The following SPOCK1 variants were observed in gnomAD, a reference collection of about 807,000 sequenced individuals.
The protein encoded by SPOCK1 is SPARC (osteonectin), cwcv and kazal like domains proteoglycan 1.
SPOCK1 carries 23 observed loss-of-function variants against 55.3 expected under a neutral mutation model. That is an observed-to-expected ratio of 0.42 (90% confidence interval 0.30 to 0.59). The LOEUF (loss-of-function observed/expected upper bound fraction) is 0.59, where lower values mean the gene tolerates loss of function less well. Ranked by LOEUF, SPOCK1 falls within the 20% of genes least tolerant of loss-of-function variation. SPOCK1 has a pLI of 0.22. For missense variants in SPOCK1, 499 were observed against 552.5 expected (o/e 0.90, Z 0.97); for synonymous variants, 226 against 221.0 (o/e 1.02, Z -0.20).
intron 2 of SPOCK1, among the ~76,000 whole-genome samples, chr5:137,376,272 G>A (rs1462947071): frequency 6.6e-6 from 1 of 152,166 alleles, no homozygotes; most frequent in Non-Finnish European, 1.5e-5. Flanking sequence ...AGCAGCACAA[G>A]CACCTCTTGC....
At chr5:137,263,653 AC>A (rs1462968606) in intron 3 of SPOCK1, among the ~76,000 whole-genome samples, 1 of 152,090 alleles carries the variant, frequency 6.6e-6, no homozygotes, top group Non-Finnish European at 1.5e-5. Flanking sequence ...GAAATTTCTC[AC>A]CTGAGTTAAT....
intron 2 of SPOCK1, among the ~76,000 whole-genome samples, chr5:137,329,028 G>A (rs1043213264): frequency 3.9e-5 from 6 of 152,136 alleles, no homozygotes; most frequent in Non-Finnish European, 7.3e-5. Flanking sequence ...ACATGATTCT[G>A]GCTGTGTCTG....
chr5:137,418,464 CTGTT>C (rs957240922), intron 2 of SPOCK1, among the ~76,000 whole-genome samples: 1 of 151,926 alleles, frequency 6.6e-6, no homozygotes, highest in African/African-American at 2.4e-5. Flanking sequence ...TCTCCAGCAC[CTGTT>C]GTTTCCTGAC....
chr5:137,220,197 T>TC (rs1027820925), intron 3 of SPOCK1, among the ~76,000 whole-genome samples: 2 of 152,114 alleles, frequency 1.3e-5, no homozygotes, highest in African/African-American at 4.8e-5. Flanking sequence ...TCAAATGACC[T>TC]CAAAATCATG....
chr5:137,278,497 C>T (rs1757110963), intron 2 of SPOCK1, among the ~76,000 whole-genome samples: 1 of 152,162 alleles, frequency 6.6e-6, no homozygotes, highest in Non-Finnish European at 1.5e-5. Flanking sequence ...TGGGCATCCC[C>T]TCTCTGAGCA....
intron 6 of SPOCK1, among the ~76,000 whole-genome samples, chr5:137,002,676 G>A (rs7719358): frequency 0.24 from 35,842 of 152,034 alleles, 4,555 homozygotes; most frequent in Non-Finnish European, 0.28. Context: ...AACTAATAAA[G>A]ACTAAGCTGC....
intron 2 of SPOCK1, among the ~76,000 whole-genome samples, chr5:137,376,160 G>C (rs892812810): frequency 3.9e-5 from 6 of 152,166 alleles, no homozygotes; most frequent in African/African-American, 1.4e-4. Flanking sequence ...TTATTTCCAG[G>C]TCTGGGGACA....
chr5:137,370,313 C>A (rs1315004889), intron 2 of SPOCK1, among the ~76,000 whole-genome samples: 5 of 152,290 alleles, frequency 3.3e-5, no homozygotes, highest in Non-Finnish European at 5.9e-5. Flanking sequence ...CAGACAGTCA[C>A]ACGCCGACCG....
intron 6 of SPOCK1, among the ~76,000 whole-genome samples, chr5:136,996,257 A>T (rs755746312): frequency 2.0e-5 from 3 of 152,128 alleles, no homozygotes; most frequent in Non-Finnish European, 2.9e-5. Context: ...ATATAGTCAT[A>T]TATCCCCCTA....
chr5:137,340,915 A>G (rs1002737165), intron 2 of SPOCK1, among the ~76,000 whole-genome samples: 2 of 150,258 alleles, frequency 1.3e-5, no homozygotes, highest in African/African-American at 4.9e-5. Context: ...ATTGAGGCCC[A>G]CAGTGGCTGT....
chr5:137,023,396 C>G (rs545982258), intron 6 of SPOCK1, among the ~76,000 whole-genome samples: 1 of 152,232 alleles, frequency 6.6e-6, no homozygotes, highest in African/African-American at 2.4e-5. Flanking sequence ...TGGGTTTTGA[C>G]TAGGGGATTG....
At chr5:137,277,723 C>T (rs769681301) in intron 2 of SPOCK1, among the ~76,000 whole-genome samples, 2 of 152,254 alleles carry the variant, frequency 1.3e-5, no homozygotes, top group Admixed American at 1.3e-4. Flanking sequence ...AGTGGACAGC[C>T]GGTCTATCTG....
At chr5:137,376,242 C>G (rs1751312456) in intron 2 of SPOCK1, among the ~76,000 whole-genome samples, 1 of 152,178 alleles carries the variant, frequency 6.6e-6, no homozygotes, top group Non-Finnish European at 1.5e-5. Context: ...AGCCCTGGGT[C>G]TTTCTAGTTC....
intron 5 of SPOCK1, among the ~76,000 whole-genome samples, chr5:137,076,104 T>C (rs1232931750): frequency 6.6e-6 from 1 of 152,140 alleles, no homozygotes; most frequent in African/African-American, 2.4e-5. Context: ...AGCCTCACCA[T>C]GCAAGGCCTG....
intron 2 of SPOCK1, among the ~76,000 whole-genome samples, chr5:137,372,054 A>G (rs1398227829): frequency 6.6e-6 from 1 of 152,228 alleles, no homozygotes; most frequent in Admixed American, 6.5e-5. Flanking sequence ...ACATGCCATC[A>G]ATATTTTAAA....
At chr5:137,449,680 G>A (rs975313475) in intron 2 of SPOCK1, among the ~76,000 whole-genome samples, 1 of 151,928 alleles carries the variant, frequency 6.6e-6, no homozygotes, top group African/African-American at 2.4e-5. Flanking sequence ...CTTGAGCCCA[G>A]GAGTTCCAGA....
intron 9 of SPOCK1, among the ~76,000 whole-genome samples, chr5:136,982,992 A>AT (rs1477673986): frequency 2.0e-5 from 3 of 152,102 alleles, no homozygotes; most frequent in Non-Finnish European, 2.9e-5. Flanking sequence ...ATCTTTATTT[A>AT]TAATAGTTTT....
In SPOCK1 at chr5:137,026,335, T is replaced by C. The variant is rs1751673813; in HGVS notation, c.590-33735A>G. 3.3e-5 allele frequency among the ~76,000 whole-genome samples: 5 copies of C among 152,362 alleles called. No individual in the cohort carries two copies. The South Asian group carries it at 1.0e-3, about 32-fold the overall frequency. On this transcript the variant is annotated intron_variant, in intron 6 of 10. Transcript: ENST00000394945. ...GTTTCTCTGAAGGTATTTTTGTAGATGAGATTAACATTTAAGTCAGTAGAC... is the reference window on the plus strand; with the variant it reads ...GTTTCTCTGAAGGTATTTTTGTAGACGAGATTAACATTTAAGTCAGTAGAC...
intron 5 of SPOCK1, among the ~76,000 whole-genome samples, chr5:137,111,275 C>T (rs530954727): frequency 4.7e-4 from 72 of 152,248 alleles, no homozygotes; most frequent in Non-Finnish European, 8.5e-4. Flanking sequence ...GCCCAAGAAC[C>T]ATGCAGCAGT....
Sources: allele counts gnomAD v4.1 joint callset (sites outside exome capture counted in the v4.1 genomes callset), GRCh38; gene constraint gnomAD v4.1.1; transcripts MANE v1.5; gene names NCBI Gene and HGNC (gene_info 2026-07-23, HGNC 2026-07-21).